BSPRY: variants seen among roughly 807,000 people sequenced by gnomAD.
BSPRY encodes B box and SPRY domain-containing protein.
Under a neutral mutation model 38.0 loss-of-function variants are expected in BSPRY, and 33 were observed. The ratio of observed to expected loss-of-function variants is 0.87; its 90% CI spans 0.66 to 1.16. The LOEUF is 1.16. Among genes scored for constraint, BSPRY ranks in the 50% most tolerant of loss-of-function variants. The probability of loss-of-function intolerance (pLI) is 0.00; values close to 1 mark genes in which losing one functional copy is unlikely to be tolerated. For synonymous variants in BSPRY, 224 were observed against 228.5 expected (o/e 0.98, Z 0.18); for missense variants, 523 against 533.2 (o/e 0.98, Z 0.19).
At chr9:113,350,632 C>T (rs1733978587) in intron 1 of BSPRY, among the ~76,000 whole-genome samples, 1 of 152,142 alleles carries the variant, frequency 6.6e-6, no homozygotes, top group Non-Finnish European at 1.5e-5. Context: ...CCCAACCCGA[C>T]TCTGCAGTTC....
chr9:113,363,769 T>A (rs1834194927), intron 4 of BSPRY, among the ~76,000 whole-genome samples: 1 of 148,384 alleles, frequency 6.7e-6, no homozygotes, highest in African/African-American at 2.5e-5. Context: ...TCCCAGCTAC[T>A]CAGGAGGCTG....
chr9:113,359,029 TAAAGA>T (rs1046708073), intron 2 of BSPRY, among the ~76,000 whole-genome samples: 29 of 121,500 alleles, frequency 2.4e-4, no homozygotes, highest in Admixed American at 1.3e-3. Flanking sequence ...CTGTGTCTCT[TAAAGA>T]AAAGAAAAGA....
intron 5 of BSPRY, among the ~76,000 whole-genome samples, 182 bp downstream of exon 5, chr9:113,368,565 G>A (rs1834289907): frequency 6.6e-6 from 1 of 152,184 alleles, no homozygotes; most frequent in African/African-American, 2.4e-5. Flanking sequence ...GCTGGGCCAA[G>A]TCCTTCCCAT....
At chr9:113,360,406 C>G (rs1834130175) in intron 2 of BSPRY, 101 bp from the exon 3 acceptor site, 1 of 1,105,380 alleles carries the variant, frequency 9.0e-7, no homozygotes, top group Non-Finnish European at 1.3e-6. Context: ...GCAGACATTG[C>G]TAATCAATCT....
At chr9:113,350,867 A>G (rs939678438) in intron 1 of BSPRY, among the ~76,000 whole-genome samples, 19 of 152,176 alleles carry the variant, frequency 1.2e-4, no homozygotes, top group African/African-American at 4.6e-4. Context: ...GGACAAAAAA[A>G]TTTGCAAACT....
Position 113,350,185 on chromosome 9 carries a change from C to T in BSPRY, c.201+405C>T, listed in dbSNP as rs886850104. Reference sequence around the variant, plus strand: ...GCTGGGGCTGGCATGAAAGGCTCAGCTGCTCCAGTTCTCAGCGCAGGGTGT... The same window carrying T: ...GCTGGGGCTGGCATGAAAGGCTCAGTTGCTCCAGTTCTCAGCGCAGGGTGT... On this transcript the variant is annotated intron_variant, in intron 1 of 5. Coordinates refer to ENST00000374183, the MANE Select transcript of BSPRY (RefSeq NM_017688.3). Among the ~76,000 whole-genome samples, 19 of 152,304 alleles carry T rather than the reference C, an allele frequency of 1.2e-4. No homozygotes were observed. The East Asian group carries it at 3.1e-3, about 25-fold the overall frequency.
chr9:113,353,053 C>G (rs1833996110), intron 1 of BSPRY, among the ~76,000 whole-genome samples: 2 of 152,186 alleles, frequency 1.3e-5, no homozygotes, highest in Non-Finnish European at 2.9e-5. Flanking sequence ...AGTCAGGCAG[C>G]TGAGTATGAC....
intron 3 of BSPRY, among the ~76,000 whole-genome samples, chr9:113,361,663 A>C (rs758051541): frequency 1.2e-4 from 18 of 152,178 alleles, no homozygotes; most frequent in Non-Finnish European, 2.1e-4. Flanking sequence ...GGAAGTGAGG[A>C]GGTGGAAAGA....
At chr9:113,364,130 G>A (rs1404230001) in intron 4 of BSPRY, among the ~76,000 whole-genome samples, 2 of 152,032 alleles carry the variant, frequency 1.3e-5, no homozygotes, top group African/African-American at 4.8e-5. Flanking sequence ...AGGTTATAGT[G>A]AGCTGAGAGC....
chr9:113,362,588 A>G (rs1834174446), intron 4 of BSPRY, among the ~76,000 whole-genome samples, 194 bp downstream of exon 4: 1 of 152,186 alleles, frequency 6.6e-6, no homozygotes, highest in African/African-American at 2.4e-5. Flanking sequence ...AACACATGGA[A>G]AGGCAGTGGA....
At chr9:113,349,941 G>T (rs1833944964) in intron 1 of BSPRY, among the ~76,000 whole-genome samples, 161 bp downstream of exon 1, 1 of 152,202 alleles carries the variant, frequency 6.6e-6, no homozygotes, top group East Asian at 1.9e-4. Context: ...GGCGGTTAAG[G>T]GTGTGGCCTC....
At chr9:113,353,339 T>A (rs980222519) in intron 1 of BSPRY, among the ~76,000 whole-genome samples, 1 of 152,066 alleles carries the variant, frequency 6.6e-6, no homozygotes, top group Non-Finnish European at 1.5e-5. Flanking sequence ...TGAGTCTTGA[T>A]CATGCCACTG....
intron 1 of BSPRY, among the ~76,000 whole-genome samples, chr9:113,352,120 A>G (rs367920395): frequency 2.0e-5 from 3 of 151,960 alleles, no homozygotes; most frequent in South Asian, 2.1e-4. Context: ...CAGCTTTCCC[A>G]TTTCTAAAAC....
At chr9:113,354,564 C>G (rs1313926313) in intron 2 of BSPRY, among the ~76,000 whole-genome samples, 1 of 152,170 alleles carries the variant, frequency 6.6e-6, no homozygotes, top group Non-Finnish European at 1.5e-5. Context: ...TCTTGGGTAT[C>G]TTGGCATAGG....
chr9:113,350,735 G>C (rs1341273476), intron 1 of BSPRY, among the ~76,000 whole-genome samples: 5 of 152,152 alleles, frequency 3.3e-5, no homozygotes, highest in Admixed American at 2.6e-4. Flanking sequence ...TGCTGGGCTC[G>C]GGAGGGGTTC....
chr9:113,353,641 T>G (rs1263675924), intron 1 of BSPRY, among the ~76,000 whole-genome samples: 1 of 151,918 alleles, frequency 6.6e-6, no homozygotes, highest in African/African-American at 2.4e-5. Context: ...AGGTGGAAGT[T>G]GCAGTGAGCC....
In BSPRY at chr9:113,360,674, A is replaced by G. The variant is rs752757; in HGVS notation, c.468A>G (p.Lys156=). ...QRVHWAEALQ[K]LDTIRTGLVG... ...TGCACTGGGCCGAGGCGCTGCAGAAACTTGACACCATCCGCACTGGCCTGG... is the reference window on the plus strand; with the variant it reads ...TGCACTGGGCCGAGGCGCTGCAGAAGCTTGACACCATCCGCACTGGCCTGG... The change falls in exon 3 of 6, where the codon AAA becomes AAG. Residue 156 remains lysine (K), a synonymous_variant. Transcript: ENST00000374183. 0.24 allele frequency: 390,171 copies of G among 1,606,006 alleles called. 52,617 individuals carry two copies. The highest frequency in any genetic ancestry group is 0.49 in the African/African-American group (36,761 of 74,818).
intron 1 of BSPRY, among the ~76,000 whole-genome samples, chr9:113,353,147 G>C (rs903778958): frequency 1.3e-5 from 2 of 151,774 alleles, no homozygotes; most frequent in Admixed American, 6.6e-5. Context: ...CAGCACTTTG[G>C]GGGGCTGAGG....
chr9:113,358,580 T>C (rs1834100967), intron 2 of BSPRY, among the ~76,000 whole-genome samples: 1 of 152,132 alleles, frequency 6.6e-6, no homozygotes, highest in Non-Finnish European at 1.5e-5. Context: ...AACCACACTT[T>C]TAAAAGGATG....
Sources: allele counts gnomAD v4.1 joint callset (sites outside exome capture counted in the v4.1 genomes callset), GRCh38; gene constraint gnomAD v4.1.1; transcripts MANE v1.5; gene names NCBI Gene and HGNC (gene_info 2026-07-23, HGNC 2026-07-21).